The following RAD51B variants were observed in gnomAD, a reference collection of about 807,000 sequenced individuals.
The protein encoded by RAD51B is DNA repair protein RAD51 homolog 2.
A neutral mutation model predicts 42.2 loss-of-function variants in RAD51B; 38 were observed. That is an observed-to-expected ratio of 0.90 (90% CI 0.70 to 1.18). The LOEUF (loss-of-function observed/expected upper bound fraction) is 1.18, where lower values mean the gene tolerates loss of function less well. Ranked by LOEUF, RAD51B falls within the 50% of genes most tolerant of loss-of-function variation. RAD51B has a pLI of 0.00. For missense variants in RAD51B, 373 were observed against 400.7 expected, an observed-to-expected ratio of 0.93 and a Z score of 0.59; for synonymous variants, 154 against 145.2, an observed-to-expected ratio of 1.06 and a Z score of -0.43.
chr14:68,639,299 G>T (rs956681994), intron 10 of RAD51B, among the ~76,000 whole-genome samples: 1 of 152,192 alleles, frequency 6.6e-6, no homozygotes, highest in Admixed American at 6.5e-5. Context: ...CCTGAGTGAG[G>T]GGGGCTCTGC....
chr14:68,043,123 A>G (rs1172600478), intron 7 of RAD51B, among the ~76,000 whole-genome samples: 1 of 152,014 alleles, frequency 6.6e-6, no homozygotes, highest in African/African-American at 2.4e-5. Context: ...TTTGAAGTTT[A>G]TTTACCTAGA....
chr14:68,247,218 G>T (rs945395150), intron 7 of RAD51B, among the ~76,000 whole-genome samples: 1 of 151,650 alleles, frequency 6.6e-6, no homozygotes, highest in East Asian at 1.9e-4. Context: ...CAGCATTTTG[G>T]GGGAACATTT....
chr14:68,567,027 C>T (rs1285088479), intron 10 of RAD51B, among the ~76,000 whole-genome samples: 3 of 152,120 alleles, frequency 2.0e-5, no homozygotes, highest in African/African-American at 4.8e-5. Flanking sequence ...CTGGCCGGCA[C>T]GGTGGCTCAC....
chr14:68,563,762 CT>C (rs1473591820), intron 10 of RAD51B: 1 of 985,214 alleles, frequency 1.0e-6, no homozygotes, highest in Non-Finnish European at 1.2e-6. Context: ...ACTGTATAAA[CT>C]CTGAGGCGTA....
In RAD51B at chr14:68,420,435, G is replaced by GTT. The variant is rs932685576; in HGVS notation, c.957+8917_957+8918dup. On this transcript the variant is annotated intron_variant, in intron 9 of 10. Coordinates refer to ENST00000471583, the MANE Select transcript of RAD51B (RefSeq NM_133510.4). ...AGCTGCTGGCTCGCTATTTTTATGG[G>GTT]TTTTTTTTTTATTATATGCTAAACA... Among the ~76,000 whole-genome samples, 14 of 150,230 alleles carry GTT rather than the reference G, an allele frequency of 9.3e-5. No homozygotes were observed. The South Asian group carries it at 1.3e-3, about 14-fold the overall frequency.
At chr14:68,064,545 C>T (rs567168415) in intron 7 of RAD51B, among the ~76,000 whole-genome samples, 3 of 151,886 alleles carry the variant, frequency 2.0e-5, no homozygotes, top group Non-Finnish European at 2.9e-5. Context: ...TTTTTATAGG[C>T]CTTTTTCCTT....
chr14:68,549,784 T>C (rs1383470564), intron 10 of RAD51B, among the ~76,000 whole-genome samples: 3 of 152,204 alleles, frequency 2.0e-5, no homozygotes, highest in African/African-American at 7.2e-5. Flanking sequence ...TTCTTTTTAC[T>C]AAGTCATGTG....
intron 7 of RAD51B, among the ~76,000 whole-genome samples, chr14:68,274,933 A>T (rs76968972): frequency 0.026 from 3,983 of 152,246 alleles, 190 homozygotes; most frequent in African/African-American, 0.09. Context: ...TGGTGCTAGT[A>T]CTTCCTATTT....
chr14:68,162,658 G>A (rs369371889), intron 7 of RAD51B, among the ~76,000 whole-genome samples: 1 of 152,050 alleles, frequency 6.6e-6, no homozygotes, highest in Admixed American at 6.5e-5. Context: ...GGTGGCGGGC[G>A]CCTGTAGTCC....
intron 7 of RAD51B, among the ~76,000 whole-genome samples, chr14:67,960,390 T>G (rs917376761): frequency 6.6e-6 from 1 of 152,202 alleles, no homozygotes; most frequent in African/African-American, 2.4e-5. Flanking sequence ...TCACCTTTAT[T>G]TTCTTAGTCA....
intron 10 of RAD51B, among the ~76,000 whole-genome samples, chr14:68,629,120 G>A (rs1191254409): frequency 6.6e-6 from 1 of 152,116 alleles, no homozygotes; most frequent in African/African-American, 2.4e-5. Flanking sequence ...TTTAGCAGTG[G>A]CCCCCAGGGG....
intron 7 of RAD51B, among the ~76,000 whole-genome samples, chr14:67,952,182 A>G (rs112396068): frequency 5.9e-4 from 89 of 151,722 alleles, no homozygotes; most frequent in African/African-American, 2.1e-3. Context: ...TACACAAACC[A>G]TATGTAGAAA....
intron 9 of RAD51B, among the ~76,000 whole-genome samples, chr14:68,446,458 G>T (rs994125109): frequency 6.6e-6 from 1 of 152,024 alleles, no homozygotes; most frequent in African/African-American, 2.4e-5. Flanking sequence ...AGCCTATGTT[G>T]TCTAGTTAGA....
intron 4 of RAD51B, among the ~76,000 whole-genome samples, chr14:67,836,459 C>A (rs1382209951): frequency 1.3e-5 from 2 of 151,330 alleles, no homozygotes; most frequent in East Asian, 3.9e-4. Context: ...TAAGTCAAGC[C>A]TACATTTAAG....
chr14:68,318,035 T>C (rs1020945230), intron 8 of RAD51B, among the ~76,000 whole-genome samples: 3 of 152,242 alleles, frequency 2.0e-5, no homozygotes, highest in Non-Finnish European at 4.4e-5. Flanking sequence ...CTGTTATGCA[T>C]GCTTTACACC....
intron 7 of RAD51B, among the ~76,000 whole-genome samples, chr14:67,996,711 A>T (rs925966202): frequency 3.3e-5 from 5 of 152,170 alleles, no homozygotes; most frequent in Admixed American, 2.6e-4. Context: ...CACTGAATGG[A>T]TGGATGCATT....
intron 7 of RAD51B, among the ~76,000 whole-genome samples, chr14:68,042,160 C>G (rs1290725054): frequency 1.3e-5 from 2 of 152,168 alleles, no homozygotes; most frequent in Non-Finnish European, 2.9e-5. Context: ...AAACACTGCA[C>G]CTGGCTCATA....
chr14:68,155,676 A>G (rs2078488502), intron 7 of RAD51B, among the ~76,000 whole-genome samples: 1 of 152,200 alleles, frequency 6.6e-6, no homozygotes, highest in Non-Finnish European at 1.5e-5. Flanking sequence ...GCAAAATTCA[A>G]CTAGATTGCG....
intron 7 of RAD51B, among the ~76,000 whole-genome samples, chr14:68,264,440 T>G (rs1957571): frequency 0.073 from 11,162 of 152,276 alleles, 1,364 homozygotes; most frequent in African/African-American, 0.25. Flanking sequence ...GAAAGTTTTC[T>G]GAGTAGCTAG....
Sources: allele counts gnomAD v4.1 joint callset (sites outside exome capture counted in the v4.1 genomes callset), GRCh38; gene constraint gnomAD v4.1.1; transcripts MANE v1.5; gene names NCBI Gene and HGNC (gene_info 2026-07-23, HGNC 2026-07-21).